Variants in MEI4 observed in about 807,000 individuals in gnomAD.
MEI4 encodes the protein meiotic double-stranded break formation protein 4.
A neutral mutation model predicts 31.4 loss-of-function variants in MEI4; 27 were observed. The ratio of observed to expected loss-of-function variants is 0.86; its 90% CI spans 0.63 to 1.19. The LOEUF is 1.19. MEI4 is among the 50% of genes most tolerant of loss of function. The pLI is 0.00. For synonymous variants in MEI4, 122 were observed against 145.4 expected (o/e 0.84, Z 1.16); for missense variants, 329 against 398.9 (o/e 0.82, Z 1.49).
At chr6:77,864,365 A>G (rs961433313) in intron 4 of MEI4, among the ~76,000 whole-genome samples, 7 of 152,212 alleles carry the variant, frequency 4.6e-5, no homozygotes, top group Admixed American at 4.6e-4. Flanking sequence ...ACATAGGCTC[A>G]AAATAAAGGG....
intron 1 of MEI4, among the ~76,000 whole-genome samples, chr6:77,662,514 A>G (rs1241590261): frequency 6.6e-6 from 1 of 152,204 alleles, no homozygotes; most frequent in Non-Finnish European, 1.5e-5. Context: ...CGGGGAGCAG[A>G]AAGTGTATGT....
intron 1 of MEI4, among the ~76,000 whole-genome samples, chr6:77,689,162 T>C (rs938170867): frequency 9.9e-5 from 15 of 151,984 alleles, no homozygotes; most frequent in Non-Finnish European, 1.9e-4. Flanking sequence ...CAGTTATACT[T>C]TCTATTTACT....
At position 77,761,565 on chromosome 6, in the gene MEI4, A is replaced by G; in HGVS notation, c.668A>G (p.Tyr223Cys). The change falls in exon 3 of 5, where the codon TAT becomes TGT. Residue 223 changes from tyrosine (Y) to cysteine (C), a missense_variant. Coordinates refer to ENST00000684080, the MANE Select transcript of MEI4 (RefSeq NM_001322247.2). ...VGTLASLISD[Y>C]NLSSHILKKC... is the part of the protein sequence containing the mutation. ...ACTTTAGCTAGTCTGATCAGTGACT[A>G]TAACTTATCTAGTCATATTCTTAAA... 4.1e-6 allele frequency: 5 copies of G among 1,232,050 alleles called. No homozygotes were observed. Among genetic ancestry groups the G allele is most frequent in the Admixed American group, 4.2e-5 (1 of 23,704 alleles). 76.3% of individuals were successfully genotyped at this position (1,232,050 alleles called of 1,614,324 possible). A position where few individuals can be genotyped will look rare whatever the true frequency, so the allele number is the denominator to read the frequency against.
intron 3 of MEI4, among the ~76,000 whole-genome samples, chr6:77,803,700 C>A (rs1769342328): frequency 6.6e-6 from 1 of 152,152 alleles, no homozygotes; most frequent in African/African-American, 2.4e-5. Context: ...ATTCAGGACC[C>A]TCAGCTGCAG....
rs569279901 is a variant in MEI4, at chr6:77,889,066, C to A, written c.901-34023C>A. Among the ~76,000 whole-genome samples, 39 of 152,270 alleles carry A rather than the reference C, an allele frequency of 2.6e-4. 1 individual carries two copies. The South Asian group carries it at 7.7e-3, about 30-fold the overall frequency. On this transcript the variant is annotated intron_variant, in intron 4 of 4. Coordinates refer to ENST00000684080, the MANE Select transcript of MEI4 (RefSeq NM_001322247.2). ...TTAAACTTCTCCTTTATAAATTACTCAGTCTCAGGTATTTCTTCATAGCAG... is the reference window on the plus strand; with the variant it reads ...TTAAACTTCTCCTTTATAAATTACTAAGTCTCAGGTATTTCTTCATAGCAG...
chr6:77,738,938 G>T (rs1462618100), intron 2 of MEI4, among the ~76,000 whole-genome samples: 2 of 152,022 alleles, frequency 1.3e-5, no homozygotes, highest in Non-Finnish European at 2.9e-5. Flanking sequence ...TGATGGGGTT[G>T]TTTTTTTCTT....
At chr6:77,709,114 C>A (rs1766398150) in intron 2 of MEI4, among the ~76,000 whole-genome samples, 1 of 151,956 alleles carries the variant, frequency 6.6e-6, no homozygotes, top group South Asian at 2.1e-4. Context: ...TTTGGTTTTT[C>A]TCAATTTTCT....
intron 4 of MEI4, among the ~76,000 whole-genome samples, chr6:77,866,095 T>C (rs987848722): frequency 2.0e-4 from 31 of 151,818 alleles, no homozygotes; most frequent in African/African-American, 7.5e-4. Context: ...TAATAAGAGC[T>C]ATCTATGACA....
Position 77,761,598 on chromosome 6 carries a change from C to A in MEI4, c.701C>A (p.Ser234Tyr). The part of the protein sequence containing the change: ...NLSSHILKKC[S>Y]KKLEEFEKTL... ...TCTAGTCATATTCTTAAAAAGTGTT[C>A]CAAGAAGTTGGAAGAATTTGAGAAA... is the stretch of plus-strand genomic sequence containing the variant. The change falls in exon 3 of 5, where the codon TCC becomes TAC. Residue 234 changes from serine (S) to tyrosine (Y), a missense_variant. Physicochemically the swap from Ser to Tyr is moderately radical, Grantham distance 144. Coordinates refer to ENST00000684080, the MANE Select transcript of MEI4 (RefSeq NM_001322247.2). 1 of 1,231,788 alleles carries A rather than the reference C, an allele frequency of 8.1e-7. No individual in the cohort carries two copies. Among genetic ancestry groups the A allele is most frequent in the South Asian group, 4.1e-5 (1 of 24,298 alleles). The allele number at this position is 1,231,788 out of a possible 1,614,324, so 76.3% of individuals were successfully genotyped here.
chr6:77,804,126 C>T (rs1446051195), intron 3 of MEI4, among the ~76,000 whole-genome samples: 5 of 152,180 alleles, frequency 3.3e-5, no homozygotes, highest in African/African-American at 4.8e-5. Context: ...CCACCCAGTT[C>T]GAGCTTCCTG....
intron 1 of MEI4, among the ~76,000 whole-genome samples, chr6:77,687,691 T>TAA (rs1769083695): frequency 6.6e-6 from 1 of 152,066 alleles, no homozygotes; most frequent in Non-Finnish European, 1.5e-5. Flanking sequence ...TCACTCTATT[T>TAA]ATTACCAGTT....
chr6:77,890,693 AC>A (rs984463018), intron 4 of MEI4, among the ~76,000 whole-genome samples: 11 of 152,124 alleles, frequency 7.2e-5, no homozygotes, highest in Non-Finnish European at 1.0e-4. Context: ...CTATGTCCCC[AC>A]CCAAATCTAA....
intron 2 of MEI4, among the ~76,000 whole-genome samples, chr6:77,707,364 A>G (rs1316945565): frequency 6.6e-6 from 1 of 152,204 alleles, no homozygotes. Context: ...TTAGCATTCA[A>G]GATGTGCTGT....
At chr6:77,674,721 AGTG>A (rs1768808406) in intron 1 of MEI4, among the ~76,000 whole-genome samples, 1 of 152,142 alleles carries the variant, frequency 6.6e-6, no homozygotes, top group African/African-American at 2.4e-5. Flanking sequence ...AACAAATATG[AGTG>A]TACCCACCTC....
In MEI4 at chr6:77,667,920, C is replaced by T. The variant is rs1768667718; in HGVS notation, c.-15+14828C>T. ...CTGGAAGAGTAGCAGTGTTTTTGGT[C>T]CTCAGCAGAATCAGTTGCATGACTA... On this transcript the variant is annotated intron_variant, in intron 1 of 4. Transcript: ENST00000684080. Among the ~76,000 whole-genome samples, 4 of 150,744 alleles carry T rather than the reference C, an allele frequency of 2.7e-5. No individual in the cohort carries two copies. The South Asian group carries it at 8.4e-4, about 32-fold the overall frequency.
rs1349810717 is a variant in MEI4, at chr6:77,820,593, T to C, written c.769-8338T>C. Among the ~76,000 whole-genome samples, 2 of 152,140 alleles carry C rather than the reference T, an allele frequency of 1.3e-5. No homozygotes were observed. The highest frequency in any genetic ancestry group is 1.3e-4 in the Admixed American group (2 of 15,266). Reference sequence around the variant, plus strand: ...TTTTCTTTTTTAAATCCCTTTAGTATGGTTCTATCAGTGTTAAAATGACTC... The same window carrying C: ...TTTTCTTTTTTAAATCCCTTTAGTACGGTTCTATCAGTGTTAAAATGACTC... On this transcript the variant is annotated intron_variant, in intron 3 of 4. Transcript: ENST00000684080. The surrounding 1 kb of genome is among the most constrained non-coding windows in gnomAD (Gnocchi z 4.5).
intron 4 of MEI4, among the ~76,000 whole-genome samples, chr6:77,846,622 C>T (rs1220870531): frequency 2.6e-5 from 4 of 152,058 alleles, no homozygotes; most frequent in Admixed American, 6.6e-5. Context: ...TAAAGAAGTC[C>T]ATGTGGATTT....
intron 3 of MEI4, among the ~76,000 whole-genome samples, chr6:77,778,737 A>G (rs1482407498): frequency 2.0e-5 from 3 of 151,666 alleles, no homozygotes; most frequent in Non-Finnish European, 4.4e-5. Context: ...AAATAAATAA[A>G]TAAATAAATA....
rs527745030 is a variant in MEI4 at position 77,874,556 on chromosome 6, G to T, written c.900+45494G>T. Among the ~76,000 whole-genome samples, 41 of 152,222 alleles carry T rather than the reference G, an allele frequency of 2.7e-4. No homozygotes were observed. In the Middle Eastern group the frequency reaches 0.017, roughly 63 times the overall value. ...TACAATCAAGTCATCTGCAAACAGG[G>T]ACAATTTGACTTCCTCTTTTCCTAA... On this transcript the variant is annotated intron_variant, in intron 4 of 4. Transcript: ENST00000684080.
Sources: gnomAD v4.1 joint callset for allele counts (sites outside exome capture counted in the v4.1 genomes callset) on GRCh38, gnomAD v4.1.1 for gene constraint, Gnocchi (gnomAD v3.1) non-coding constraint, MANE v1.5 for transcripts, NCBI Gene and HGNC (gene_info 2026-07-23, HGNC 2026-07-21) for gene names.